The following TAF1 variants were observed in gnomAD, a reference collection of about 807,000 sequenced individuals.
The protein encoded by TAF1 is TATA-box binding protein associated factor 1, also known as transcription initiation factor TFIID subunit 1.
Under a neutral mutation model 138.5 loss-of-function variants are expected in TAF1, and 2 were observed. The observed-to-expected ratio is 0.01, with a 90% CI of 0.01 to 0.05. The LOEUF is 0.05. Among genes scored for constraint, TAF1 ranks in the 10% least tolerant of loss-of-function variants. TAF1 has a pLI of 1.00. For synonymous variants in TAF1, 437 were observed against 503.2 expected, an observed-to-expected ratio of 0.87 and a Z score of 1.76; for missense variants, 709 against 1,478.0, an observed-to-expected ratio of 0.48 and a Z score of 8.53.
chrX:71,452,109 A>AC (rs41443746), intron 32 of TAF1, among the ~76,000 whole-genome samples: 3,538 of 50,525 alleles, frequency 0.07, 109 homozygotes, highest in Middle Eastern at 0.12. Context: ...CGGGGGGCTG[A>AC]CCCCCCCCCC....
At chrX:71,498,728 A>T (rs1402457551) in intron 13 of TAF1, among the ~76,000 whole-genome samples, 1 of 111,304 alleles carries the variant, frequency 9.0e-6, no homozygotes, top group Non-Finnish European at 1.9e-5. Context: ...TGTAGATAAT[A>T]CCTCCAGCTT....
chrX:71,402,408 G>T (rs1486139991), intron 25 of TAF1, among the ~76,000 whole-genome samples: 1 of 111,830 alleles, frequency 8.9e-6, no homozygotes, highest in Non-Finnish European at 1.9e-5. Flanking sequence ...TACCATGCCC[G>T]GCCTAATTTT....
intron 13 of TAF1, among the ~76,000 whole-genome samples, chrX:71,517,887 TC>T (rs1240641263): frequency 9.2e-6 from 1 of 108,411 alleles, no homozygotes; most frequent in Non-Finnish European, 1.9e-5. Context: ...AGCTCCAAAC[TC>T]CTGGGCTCAA....
At chrX:71,461,435 C>T (rs1392413676) in intron 37 of TAF1, among the ~76,000 whole-genome samples, 1 of 110,802 alleles carries the variant, frequency 9.0e-6, no homozygotes, top group Non-Finnish European at 1.9e-5. Flanking sequence ...TAACTTAGGA[C>T]AATGTGGGAC....
chrX:71,397,540 C>T (rs749505334), intron 23 of TAF1, 74 bp downstream of exon 23: 80 of 1,119,955 alleles, frequency 7.1e-5, no homozygotes, highest in Non-Finnish European at 8.9e-5. Flanking sequence ...TGGAGTGCAG[C>T]GGCGTGATCT....
chrX:71,378,673 G>T (rs984826460), intron 7 of TAF1, 151 bp from the exon 8 acceptor site: 6 of 700,657 alleles, frequency 8.6e-6, no homozygotes, highest in Admixed American at 6.4e-5. Context: ...ACTAGGAGTG[G>T]GAAGAGGCAA....
At chrX:71,438,149 A>G (rs7889651) in intron 32 of TAF1, among the ~76,000 whole-genome samples, 2,158 of 110,932 alleles carry the variant, frequency 0.019, 56 homozygotes, top group African/African-American at 0.067. Flanking sequence ...CATTTTAACT[A>G]TTTTTAAGTG....
chrX:71,418,379 GAGCCACTGTGTCTGGCCTA>G (rs2036140757), intron 28 of TAF1, among the ~76,000 whole-genome samples: 1 of 112,868 alleles, frequency 8.9e-6, no homozygotes. Context: ...TTACAGGCGT[GAGCCACTGTGTCTGGCCTA>G]AGCCAATAAG....
At chrX:71,463,790 C>T in intron 37 of TAF1, 34 bp from the exon 38 acceptor site, 1 of 1,190,244 alleles carries the variant, frequency 8.4e-7, no homozygotes, top group Non-Finnish European at 1.1e-6. Flanking sequence ...AGGATGGTGT[C>T]CGAGCTTGAG....
At position 71,406,174 on chromosome X, in the gene TAF1, C is replaced by T. The variant is rs190506658; in HGVS notation, c.3999-464C>T. On this transcript the variant is annotated intron_variant, in intron 25 of 37. Coordinates refer to ENST00000423759, the MANE Select transcript of TAF1 (RefSeq NM_004606.5). ...TGAGACCCTGTCTCTACTAAAAATA[C>T]GAAAATTAGCTGTGCGTGGTGGTGG... Among the ~76,000 whole-genome samples the T allele has an allele frequency of 2.2e-4, 24 of 109,328 alleles. No homozygotes were observed. In the East Asian group the frequency reaches 6.1e-3, roughly 28 times the overall value. 94.9% of individuals were successfully genotyped at this position (109,328 alleles called of 115,157 possible).
chrX:71,398,712 A>T lies in TAF1; in HGVS notation c.3761A>T (p.Lys1254Ile), dbSNP rs2034994281. 8.3e-7 allele frequency: 1 copy of T among 1,206,194 alleles called. No individual in the cohort carries two copies. Among genetic ancestry groups the T allele is most frequent in the Non-Finnish European group, 1.1e-6 (1 of 894,249 alleles). ...LKGPPEKKPK[K>I]MKERPDLKLK... Reference sequence around the variant, plus strand: ...GGTCCTCCTGAGAAGAAGCCCAAGAAAATGAAGGAGCGTCCTGACCTAAAA... The same window carrying T: ...GGTCCTCCTGAGAAGAAGCCCAAGATAATGAAGGAGCGTCCTGACCTAAAA... The change falls in exon 24 of 38, where the codon AAA (lysine) becomes ATA (isoleucine). Residue 1254 changes from lysine to isoleucine, a missense_variant. Around this residue, in one of 14 missense-constraint regions of TAF1, gnomAD observed 21 missense variants for 101.3 expected, o/e 0.21. Coordinates refer to ENST00000423759, the MANE Select transcript of TAF1 (RefSeq NM_004606.5).
rs768865602 is a variant in TAF1 at position 71,377,894 on chromosome X, A to G, written c.933+73A>G. On this transcript the variant is annotated intron_variant, in intron 6 of 37. Transcript: ENST00000423759. Reference sequence around the variant, plus strand: ...GAATTCAATGAGTTCTCCCTAATTTATGTCTAAATTGTAAATAATACCATA... The same window carrying G: ...GAATTCAATGAGTTCTCCCTAATTTGTGTCTAAATTGTAAATAATACCATA... 17 of 1,021,657 alleles carry G rather than the reference A, an allele frequency of 1.7e-5. 1 individual carries two copies. In the African/African-American group the frequency reaches 2.7e-4, roughly 16 times the overall value. 84.2% of individuals were successfully genotyped at this position (1,021,657 alleles called of 1,213,427 possible). A position where few individuals can be genotyped will look rare whatever the true frequency, so the allele number is the denominator to read the frequency against.
At chrX:71,403,573 A>G (rs183019603) in intron 25 of TAF1, among the ~76,000 whole-genome samples, 68 of 111,791 alleles carry the variant, frequency 6.1e-4, no homozygotes, top group African/African-American at 2.1e-3. Flanking sequence ...CCTATAATAA[A>G]ATATGTTTTT....
intron 13 of TAF1, among the ~76,000 whole-genome samples, chrX:71,520,405 G>A (rs752012942): frequency 2.7e-5 from 3 of 110,349 alleles, no homozygotes; most frequent in Non-Finnish European, 3.8e-5. Context: ...GTAACTGGCC[G>A]GGCACGGTGG....
chrX:71,402,588 A>C (rs1402623422), intron 25 of TAF1, among the ~76,000 whole-genome samples: 5 of 112,316 alleles, frequency 4.5e-5, no homozygotes, highest in Non-Finnish European at 9.4e-5. Flanking sequence ...GAGACATAGA[A>C]ACTGTGCTTA....
chrX:71,379,128 T>TTTTTTTTTTTG, intron 8 of TAF1, 97 bp downstream of exon 8: 1 of 774,760 alleles, frequency 1.3e-6, no homozygotes, highest in African/African-American at 2.3e-5. Flanking sequence ...TTTTTTTTTT[T>TTTTTTTTTTTG]CGGTGAGACA....
intron 25 of TAF1, among the ~76,000 whole-genome samples, chrX:71,405,419 C>G (rs1318489427): frequency 8.9e-6 from 1 of 111,974 alleles, no homozygotes; most frequent in Non-Finnish European, 1.9e-5. Flanking sequence ...GGTGCAATCT[C>G]AGTTGACTGC....
rs183422233 is a variant in TAF1 at position 71,391,219 on chromosome X, G to C, written c.2782-1350G>C. Among the ~76,000 whole-genome samples, 273 of 111,460 alleles carry C rather than the reference G, an allele frequency of 2.4e-3. 1 individual carries two copies. Among genetic ancestry groups the C allele is most frequent in the Middle Eastern group, 9.3e-3 (2 of 215 alleles). On this transcript the variant is annotated intron_variant, in intron 18 of 37. Transcript: ENST00000423759. Reference sequence around the variant, plus strand: ...CTAACTTGAGGTTCATGAAAAAGTAGTATGGAGGAGTAGTGTGTAGTTGGT... The same window carrying C: ...CTAACTTGAGGTTCATGAAAAAGTACTATGGAGGAGTAGTGTGTAGTTGGT...
chrX:71,484,418 C>T (rs1427774619), intron 13 of TAF1, among the ~76,000 whole-genome samples: 3 of 107,600 alleles, frequency 2.8e-5, no homozygotes, highest in Non-Finnish European at 3.8e-5. Context: ...CTGCAGCCTC[C>T]GACTCCCGGG....
Sources: gnomAD v4.1 joint callset for allele counts (sites outside exome capture counted in the v4.1 genomes callset) on GRCh38, gnomAD v4.1.1 for gene constraint, gnomAD v4.1.1 regional missense constraint, MANE v1.5 for transcripts, NCBI Gene and HGNC (gene_info 2026-07-23, HGNC 2026-07-21) for gene names.